The following MIOS variants were observed in gnomAD, a reference collection of about 807,000 sequenced individuals.
The protein encoded by MIOS is meiosis regulator for oocyte development.
In MIOS, 52 loss-of-function variants were observed where a neutral mutation model predicts 96.9. The observed-to-expected ratio is 0.54, with a 90% CI of 0.43 to 0.68. The LOEUF is 0.68. Among genes scored for constraint, MIOS ranks in the 30% least tolerant of loss-of-function variants. The pLI is 0.00. For missense variants in MIOS, 1,005 were observed against 1,052.8 expected, an observed-to-expected ratio of 0.95 and a Z score of 0.63; for synonymous variants, 397 against 359.5, an observed-to-expected ratio of 1.10 and a Z score of -1.18.
rs369299032 is a variant in MIOS, at chr7:7,583,235, C to G, written c.1511C>G (p.Thr504Arg). The G allele has an allele frequency of 6.2e-7, 1 of 1,613,992 alleles. No homozygotes were observed. The highest frequency in any genetic ancestry group is 1.1e-5 in the South Asian group (1 of 91,078). ...CTTTGTGGGTGGATAAAGAAAGGAACGGATGTAGACGTGGGGCCATTTTTG... is the reference window on the plus strand; with the variant it reads ...CTTTGTGGGTGGATAAAGAAAGGAAGGGATGTAGACGTGGGGCCATTTTTG... The part of the protein sequence containing the change: ...LQLCGWIKKG[T>R]DVDVGPFLNS... The change falls in exon 6 of 13, where the codon ACG becomes AGG. Residue 504 changes from threonine to arginine, a missense_variant. Transcript: ENST00000340080.
intron 11 of MIOS, among the ~76,000 whole-genome samples, chr7:7,599,676 A>C (rs1458402008): frequency 6.6e-6 from 1 of 152,176 alleles, no homozygotes; most frequent in Non-Finnish European, 1.5e-5. Context: ...GGACCTAGGA[A>C]GTGAACTGAT....
At chr7:7,603,965 A>G (rs141514966) in intron 11 of MIOS, among the ~76,000 whole-genome samples, 7 of 151,946 alleles carry the variant, frequency 4.6e-5, no homozygotes, top group Non-Finnish European at 8.8e-5. Context: ...CGCAAGGACA[A>G]AAATCCAAAC....
intron 7 of MIOS, among the ~76,000 whole-genome samples, chr7:7,586,474 A>G (rs1783890620): frequency 6.6e-6 from 1 of 152,216 alleles, no homozygotes; most frequent in African/African-American, 2.4e-5. Flanking sequence ...AAGCTAAACA[A>G]TAGTACTACA....
intron 9 of MIOS, among the ~76,000 whole-genome samples, chr7:7,591,087 CT>C (rs891401135): frequency 2.6e-5 from 4 of 152,218 alleles, no homozygotes; most frequent in African/African-American, 9.6e-5. Flanking sequence ...TCCTGGCATT[CT>C]TTTTCCCTTC....
chr7:7,608,077 G>GTATT lies in MIOS; in HGVS notation c.*985_*986insTATT, dbSNP rs1267115003. ...TCCAAGGTAGACTAGGAAGTGTTGG[G>GTATT]GAAATGGGGTCACTTCAGAGACCAT... is the stretch of plus-strand genomic sequence containing the variant. On this transcript the variant is annotated 3_prime_UTR_variant, in exon 13 of 13. Coordinates refer to ENST00000340080, the MANE Select transcript of MIOS (RefSeq NM_019005.4). 1 of 152,016 alleles carries GTATT rather than the reference G, an allele frequency of 6.6e-6. No homozygotes were observed. Among genetic ancestry groups the GTATT allele is most frequent in the Non-Finnish European group, 1.5e-5 (1 of 67,970 alleles). The allele number at this position is 152,016 out of a possible 1,614,324, so 9.4% of individuals were successfully genotyped here.
In MIOS at chr7:7,572,862, A is replaced by T. The variant is rs1253434445; in HGVS notation, c.387A>T (p.Leu129=). The change falls in exon 4 of 13, where the codon CTA becomes CTT. Residue 129 remains leucine, a synonymous_variant. Coordinates refer to ENST00000340080, the MANE Select transcript of MIOS (RefSeq NM_019005.4). The surrounding 1 kb of genome is among the most constrained non-coding windows in gnomAD (Gnocchi z 4.8). ...GGAATCCACTGGATAGTAACTGGCT[A>T]GCTGCTGGTTTAGATAAGCACAGAG... is the stretch of plus-strand genomic sequence containing the variant. ...LAWNPLDSNW[L]AAGLDKHRAD... 3.1e-6 allele frequency: 5 copies of T among 1,614,072 alleles called. No individual in the cohort carries two copies. Among genetic ancestry groups the T allele is most frequent in the Non-Finnish European group, 4.2e-6 (5 of 1,180,012 alleles).
intron 3 of MIOS, among the ~76,000 whole-genome samples, chr7:7,569,937 C>G (rs940930095): frequency 6.6e-6 from 1 of 152,182 alleles, no homozygotes; most frequent in African/African-American, 2.4e-5. Context: ...TGTTGTGCCA[C>G]AAGGCCGGTG....
intron 11 of MIOS, among the ~76,000 whole-genome samples, chr7:7,599,062 C>T (rs543699076): frequency 7.3e-4 from 111 of 151,914 alleles, no homozygotes; most frequent in Non-Finnish European, 1.0e-3. Flanking sequence ...GCATAGTTAA[C>T]GAATATAAAA....
chr7:7,572,988 A>T lies in MIOS; in HGVS notation c.513A>T (p.Thr171=). The T allele has an allele frequency of 6.2e-7, 1 of 1,614,112 alleles. No homozygotes were observed. The highest frequency in any genetic ancestry group is 8.5e-7 in the Non-Finnish European group (1 of 1,179,982). ...VKLSAGETET[T]LLVTKPLYEL... Reference sequence around the variant, plus strand: ...TTTCAGCAGGTGAAACTGAAACAACATTATTAGTAACAAAACCACTTTATG... The same window carrying T: ...TTTCAGCAGGTGAAACTGAAACAACTTTATTAGTAACAAAACCACTTTATG... The change falls in exon 4 of 13, where the codon ACA becomes ACT. Residue 171 remains threonine (T), a synonymous_variant. Coordinates refer to ENST00000340080, the MANE Select transcript of MIOS (RefSeq NM_019005.4). This position sits in a 1 kb window ranked among gnomAD's most constrained non-coding sequence, Gnocchi z 4.8.
chr7:7,596,508 T>C, intron 11 of MIOS, 47 bp downstream of exon 11: 1 of 1,528,500 alleles, frequency 6.5e-7, no homozygotes, highest in Non-Finnish European at 9.0e-7. Flanking sequence ...AAATGATTCT[T>C]ACATAATTGA....
At chr7:7,585,065 A>G (rs1388382430) in intron 6 of MIOS, among the ~76,000 whole-genome samples, 4 of 152,164 alleles carry the variant, frequency 2.6e-5, no homozygotes, top group African/African-American at 7.2e-5. Flanking sequence ...TCTGCATTAT[A>G]TATTTAGGAA....
intron 9 of MIOS, among the ~76,000 whole-genome samples, chr7:7,590,190 C>T (rs1784008226): frequency 1.3e-5 from 2 of 152,118 alleles, no homozygotes; most frequent in Admixed American, 6.5e-5. Context: ...CCCTCATCCT[C>T]ATATCACAAT....
intron 5 of MIOS, among the ~76,000 whole-genome samples, chr7:7,576,710 G>C (rs1783545481): frequency 6.6e-6 from 1 of 152,160 alleles, no homozygotes; most frequent in Admixed American, 6.5e-5. Flanking sequence ...TGACAGATTT[G>C]TGTTTTAAAA....
At position 7,573,200 on chromosome 7, in the gene MIOS, C is replaced by T; in HGVS notation, c.725C>T (p.Ser242Phe). The change falls in exon 4 of 13, where the codon TCC (serine) becomes TTC (phenylalanine). Residue 242 changes from serine to phenylalanine, a missense_variant. Around this residue, in one of 3 missense-constraint regions of MIOS, gnomAD observed 865 missense variants for 887.9 expected, o/e 0.97. Transcript: ENST00000340080. This position sits in a 1 kb window ranked among gnomAD's most constrained non-coding sequence, Gnocchi z 5.0. Reference protein sequence around the residue: ...VDPYFHDRVASFYEGQVAIWD... With the variant: ...VDPYFHDRVAFFYEGQVAIWD... ...CCATATTTCCACGATCGTGTTGCTT[C>T]CTTCTATGAAGGTCAGGTTGCAATA... 1 of 1,614,082 alleles carries T rather than the reference C, an allele frequency of 6.2e-7. No individual in the cohort carries two copies. Among genetic ancestry groups the T allele is most frequent in the Non-Finnish European group, 8.5e-7 (1 of 1,179,968 alleles).
rs551157141 is a variant in MIOS, at chr7:7,601,078, G to T, written c.2401+4617G>T. ...GACACATTCAAAGCAGTGTTTAGAG[G>T]GAAATTTATAGCACTAAATGCCCAC... On this transcript the variant is annotated intron_variant, in intron 11 of 12. Transcript: ENST00000340080. 2.6e-5 allele frequency among the ~76,000 whole-genome samples: 4 copies of T among 152,164 alleles called. No homozygotes were observed. The South Asian group carries it at 6.2e-4, about 24-fold the overall frequency.
intron 6 of MIOS, among the ~76,000 whole-genome samples, chr7:7,584,128 A>G (rs771194222): frequency 6.6e-6 from 1 of 152,138 alleles, no homozygotes. Flanking sequence ...TTTTGAAACC[A>G]TTATAGTTTA....
rs933759563 is a variant in MIOS, at chr7:7,566,943, C to T, written c.-350C>T. 6.6e-6 allele frequency: 1 copy of T among 151,612 alleles called. No individual in the cohort carries two copies. Among genetic ancestry groups the T allele is most frequent in the South Asian group, 2.1e-4 (1 of 4,820 alleles). 9.4% of individuals were successfully genotyped at this position (151,612 alleles called of 1,614,324 possible). A position where few individuals can be genotyped will look rare whatever the true frequency, so the allele number is the denominator to read the frequency against. ...CAGGCGTGGTGGTGGGGTCGTGGGT[C>T]CCAGCCCAGTGGTCCAGGTCACGGG... On this transcript the variant is annotated 5_prime_UTR_variant, in exon 1 of 13. Coordinates refer to ENST00000340080, the MANE Select transcript of MIOS (RefSeq NM_019005.4).
At chr7:7,598,521 A>T (rs1355698785) in intron 11 of MIOS, among the ~76,000 whole-genome samples, 2 of 149,680 alleles carry the variant, frequency 1.3e-5, no homozygotes, top group African/African-American at 2.5e-5. Context: ...TCACTGTTTT[A>T]TGTTAACTCT....
intron 9 of MIOS, among the ~76,000 whole-genome samples, chr7:7,593,195 C>G (rs1784099468): frequency 6.6e-6 from 1 of 152,146 alleles, no homozygotes; most frequent in South Asian, 2.1e-4. Context: ...TTATATGCTA[C>G]TTTGGTACTT....
Sources: gnomAD v4.1 joint callset for allele counts (sites outside exome capture counted in the v4.1 genomes callset) on GRCh38, gnomAD v4.1.1 for gene constraint, gnomAD v4.1.1 regional missense constraint, Gnocchi (gnomAD v3.1) non-coding constraint, MANE v1.5 for transcripts, NCBI Gene and HGNC (gene_info 2026-07-23, HGNC 2026-07-21) for gene names.